The following CPQ variants were observed in gnomAD, a reference collection of about 807,000 sequenced individuals.
The protein encoded by CPQ is carboxypeptidase Q, also known as Ser-Met dipeptidase.
Under a neutral mutation model 45.7 loss-of-function variants are expected in CPQ, and 37 were observed. That is an observed-to-expected ratio of 0.81 (90% CI 0.62 to 1.07). The LOEUF (loss-of-function observed/expected upper bound fraction) is 1.07. Ranked by LOEUF, CPQ falls within the 50% of genes least tolerant of loss-of-function variation. The pLI is 0.00. For missense variants in CPQ, 537 were observed against 572.9 expected (o/e 0.94, Z 0.64); for synonymous variants, 186 against 205.8 (o/e 0.90, Z 0.82).
intron 1 of CPQ, among the ~76,000 whole-genome samples, chr8:96,660,568 T>A (rs1479803532): frequency 6.6e-6 from 1 of 152,098 alleles, no homozygotes; most frequent in Non-Finnish European, 1.5e-5. Flanking sequence ...AATACTGATT[T>A]GGGGGTCTCA....
intron 1 of CPQ, among the ~76,000 whole-genome samples, chr8:96,740,996 G>A (rs746498404): frequency 1.3e-5 from 2 of 152,218 alleles, no homozygotes; most frequent in Non-Finnish European, 2.9e-5. Context: ...CATAAAATGA[G>A]TTAGGAAGGA....
chr8:96,701,732 G>A (rs1348391862), intron 1 of CPQ, among the ~76,000 whole-genome samples: 1 of 152,184 alleles, frequency 6.6e-6, no homozygotes, highest in African/African-American at 2.4e-5. Flanking sequence ...TTCCTTGGCA[G>A]CCCTGGCCCT....
chr8:97,037,463 C>T (rs1333991415), intron 6 of CPQ, among the ~76,000 whole-genome samples: 3 of 152,120 alleles, frequency 2.0e-5, no homozygotes, highest in Non-Finnish European at 4.4e-5. Context: ...GCAGTATAGA[C>T]GTACTAATCA....
intron 1 of CPQ, among the ~76,000 whole-genome samples, chr8:96,784,085 G>C (rs567177265): frequency 6.6e-6 from 1 of 152,104 alleles, no homozygotes; most frequent in Non-Finnish European, 1.5e-5. Context: ...CTACCTTATA[G>C]AGTTGTTGTG....
intron 6 of CPQ, among the ~76,000 whole-genome samples, chr8:97,045,188 A>G (rs1307736947): frequency 6.6e-6 from 1 of 152,124 alleles, no homozygotes; most frequent in Non-Finnish European, 1.5e-5. Context: ...AGCCTGGGCA[A>G]TGGTGGGCGC....
In CPQ at chr8:96,868,605, A is replaced by T. The variant is rs74764209; in HGVS notation, c.642-11193A>T. Reference sequence around the variant, plus strand: ...AATAGAAATTTTAAAGTAAAGACTGATTTTTTTTAAAGTATAAACTTAGTA... The same window carrying T: ...AATAGAAATTTTAAAGTAAAGACTGTTTTTTTTTAAAGTATAAACTTAGTA... On this transcript the variant is annotated intron_variant, in intron 3 of 7. Coordinates refer to ENST00000220763, the MANE Select transcript of CPQ (RefSeq NM_016134.4). Among the ~76,000 whole-genome samples, 420 of 152,038 alleles carry T rather than the reference A, an allele frequency of 2.8e-3. 15 individuals are homozygous for T. In the East Asian group the frequency reaches 0.069, roughly 25 times the overall value.
At chr8:96,951,551 G>A (rs1813265586) in intron 4 of CPQ, among the ~76,000 whole-genome samples, 1 of 152,006 alleles carries the variant, frequency 6.6e-6, no homozygotes, top group Non-Finnish European at 1.5e-5. Flanking sequence ...TTTTGTATAT[G>A]ATTGCTTGAG....
At chr8:97,001,057 T>C (rs1202824906) in intron 5 of CPQ, among the ~76,000 whole-genome samples, 1 of 152,042 alleles carries the variant, frequency 6.6e-6, no homozygotes, top group African/African-American at 2.4e-5. Context: ...TGGTGGTATA[T>C]AGGAAGGTTA....
chr8:96,943,025 C>G (rs13264373), intron 4 of CPQ, among the ~76,000 whole-genome samples: 37 of 152,246 alleles, frequency 2.4e-4, no homozygotes, highest in Non-Finnish European at 4.6e-4. Flanking sequence ...ATATTACTTA[C>G]TAGAGATCTG....
intron 7 of CPQ, among the ~76,000 whole-genome samples, chr8:97,112,347 G>C (rs765153625): frequency 6.6e-6 from 1 of 152,074 alleles, no homozygotes; most frequent in Non-Finnish European, 1.5e-5. Context: ...TATGAGAGGG[G>C]CAAAGAGGCC....
intron 1 of CPQ, among the ~76,000 whole-genome samples, chr8:96,746,043 T>A (rs1054725165): frequency 1.3e-5 from 2 of 152,232 alleles, no homozygotes; most frequent in Admixed American, 6.5e-5. Flanking sequence ...CTAGCCGCAA[T>A]GTGAACTTGT....
At chr8:96,737,256 A>C (rs188769112) in intron 1 of CPQ, among the ~76,000 whole-genome samples, 2,000 of 147,056 alleles carry the variant, frequency 0.014, 12 homozygotes, top group Admixed American at 0.027. Context: ...CACACACACA[A>C]AAAAAAACTA....
chr8:96,926,646 T>C (rs1175670980), intron 4 of CPQ, among the ~76,000 whole-genome samples: 6 of 140,450 alleles, frequency 4.3e-5, no homozygotes, highest in South Asian at 2.4e-4. Context: ...TTCTTCTTCT[T>C]CTCCTTCTCC....
intron 5 of CPQ, among the ~76,000 whole-genome samples, chr8:96,978,133 A>G (rs928811788): frequency 3.9e-5 from 6 of 152,082 alleles, no homozygotes. Flanking sequence ...GCGGCAACTT[A>G]TGTTAGTGAA....
chr8:97,093,189 G>C (rs1811153214), intron 7 of CPQ, among the ~76,000 whole-genome samples: 2 of 152,106 alleles, frequency 1.3e-5, no homozygotes, highest in Admixed American at 1.3e-4. Flanking sequence ...CAAAGTTGCA[G>C]AGAAAAAAGA....
At chr8:96,929,998 A>C (rs2130917737) in intron 4 of CPQ, among the ~76,000 whole-genome samples, 1 of 152,290 alleles carries the variant, frequency 6.6e-6, no homozygotes, top group South Asian at 2.1e-4. Context: ...AAAAACCAAG[A>C]GGCGAGAATT....
intron 3 of CPQ, among the ~76,000 whole-genome samples, chr8:96,836,874 A>G (rs1056346361): frequency 6.6e-6 from 1 of 152,022 alleles, no homozygotes; most frequent in Admixed American, 6.6e-5. Context: ...ATTGTCCAGC[A>G]AGGGACTTCA....
rs148605448 is a variant in CPQ at position 96,887,265 on chromosome 8, C to T, written c.849+7260C>T. On this transcript the variant is annotated intron_variant, in intron 4 of 7. Coordinates refer to ENST00000220763, the MANE Select transcript of CPQ (RefSeq NM_016134.4). ...ACTCACAGCTATTGTAAAAATAGTG[C>T]GGAAAGTTCAAATGTATGCTTTGAC... Among the ~76,000 whole-genome samples the T allele has an allele frequency of 5.7e-3, 873 of 152,182 alleles. 5 individuals are homozygous for T. Among genetic ancestry groups the T allele is most frequent in the Non-Finnish European group, 8.8e-3 (599 of 68,014 alleles).
At chr8:96,792,140 C>T (rs1041727010) in intron 2 of CPQ, among the ~76,000 whole-genome samples, 3 of 152,150 alleles carry the variant, frequency 2.0e-5, no homozygotes, top group Admixed American at 6.5e-5. Context: ...GGATTGAGAG[C>T]TCTGCAAGTT....
Sources: allele counts gnomAD v4.1 joint callset (sites outside exome capture counted in the v4.1 genomes callset), GRCh38; gene constraint gnomAD v4.1.1; transcripts MANE v1.5; gene names NCBI Gene and HGNC (gene_info 2026-07-23, HGNC 2026-07-21).